The following POLR2F variants were observed in gnomAD, a reference collection of about 807,000 sequenced individuals.
The protein encoded by POLR2F is RNA polymerase II, I and III subunit F.
A neutral mutation model predicts 22.7 loss-of-function variants in POLR2F; 12 were observed. That is an observed-to-expected ratio of 0.53 (90% CI 0.34 to 0.86). The LOEUF (loss-of-function observed/expected upper bound fraction) is 0.86. POLR2F is among the 40% of genes least tolerant of loss of function. POLR2F has a pLI of 0.02. For missense variants in POLR2F, 126 were observed against 171.5 expected, an observed-to-expected ratio of 0.73 and a Z score of 1.48; for synonymous variants, 57 against 66.0, an observed-to-expected ratio of 0.86 and a Z score of 0.66.
At chr22:38,035,506 G>A (rs1458436745) in intron 5 of POLR2F, among the ~76,000 whole-genome samples, 1 of 152,190 alleles carries the variant, frequency 6.6e-6, no homozygotes, top group Non-Finnish European at 1.5e-5. Flanking sequence ...TTTCTTTTCT[G>A]TTCATTTGCA....
At chr22:37,996,940 T>A (rs2084720271) in intron 1 of POLR2F, among the ~76,000 whole-genome samples, 1 of 152,158 alleles carries the variant, frequency 6.6e-6, no homozygotes, top group Non-Finnish European at 1.5e-5. Context: ...TAAGGGCCTC[T>A]CCCCAGCCTT....
chr22:37,993,786 A>G (rs554479963), intron 1 of POLR2F, among the ~76,000 whole-genome samples: 1 of 152,238 alleles, frequency 6.6e-6, no homozygotes, highest in African/African-American at 2.4e-5. Flanking sequence ...TCAGGAGATC[A>G]AGACCATCCT....
downstream of POLR2F, among the ~76,000 whole-genome samples, chr22:38,030,669 C>T (rs554690409): frequency 4.1e-4 from 62 of 152,216 alleles, no homozygotes; most frequent in Non-Finnish European, 7.6e-4. Flanking sequence ...GGGTCTGAGA[C>T]TTAGCTCAGC....
intron 1 of POLR2F, among the ~76,000 whole-genome samples, chr22:38,018,279 A>AT (rs2084931428): frequency 6.6e-6 from 1 of 152,210 alleles, no homozygotes; most frequent in African/African-American, 2.4e-5. Flanking sequence ...GATCAGGGCT[A>AT]TGTAGGATTT....
At chr22:38,019,065 C>G (rs1251669974) in intron 1 of POLR2F, among the ~76,000 whole-genome samples, 3 of 151,606 alleles carry the variant, frequency 2.0e-5, no homozygotes, top group African/African-American at 7.3e-5. Flanking sequence ...GAGGTTGGAC[C>G]AAGAGAGAAG....
At chr22:38,025,769 C>T (rs1049632700) in intron 1 of POLR2F, 3 of 1,549,100 alleles carry the variant, frequency 1.9e-6, no homozygotes, top group South Asian at 2.5e-5. Context: ...AACACAGGAT[C>T]CAGGGCACTC....
intron 1 of POLR2F, among the ~76,000 whole-genome samples, chr22:38,004,494 C>T (rs2084803292): frequency 6.6e-6 from 1 of 152,192 alleles, no homozygotes; most frequent in Admixed American, 6.5e-5. Flanking sequence ...TATCTACTCG[C>T]TGAGTTCTCA....
chr22:37,963,016 T>C (rs558177210), intron 3 of POLR2F, among the ~76,000 whole-genome samples: 88 of 151,436 alleles, frequency 5.8e-4, no homozygotes, highest in Middle Eastern at 3.4e-3. Context: ...AGAAGGAGTC[T>C]CACTCTGTCA....
intron 1 of POLR2F, 146 bp from the exon 2 acceptor site, chr22:37,956,626 AG>A: frequency 1.5e-6 from 1 of 652,094 alleles, no homozygotes. Flanking sequence ...CTTGTTGGCC[AG>A]GCTGGTCTTG....
chr22:37,990,727 G>A (rs1219674179), intron 1 of POLR2F, among the ~76,000 whole-genome samples: 1 of 152,274 alleles, frequency 6.6e-6, no homozygotes, highest in Non-Finnish European at 1.5e-5. Context: ...TGGAGGCCCT[G>A]TGTTGCCTTG....
rs150701824 is a variant in POLR2F, at chr22:38,007,916, C to T, written c.121-17953C>T. ...CCCACTTGCCTTCAGAGCTCTGCCA[C>T]GGCAGGCCCCCTTTAGCTCCTCTGT... On this transcript the variant is annotated intron_variant, in intron 1 of 2. Transcript: ENST00000333418. Among the ~76,000 whole-genome samples the T allele has an allele frequency of 5.6e-4, 85 of 152,322 alleles. 5 individuals are homozygous for T. In the East Asian group the frequency reaches 0.016, roughly 29 times the overall value.
intron 1 of POLR2F, among the ~76,000 whole-genome samples, chr22:38,003,057 T>A (rs1397214918): frequency 6.6e-6 from 1 of 151,824 alleles, no homozygotes; most frequent in Non-Finnish European, 1.5e-5. Flanking sequence ...GGGAGATGTG[T>A]GAGCAAAGGT....
intron 1 of POLR2F, among the ~76,000 whole-genome samples, chr22:38,022,499 C>T (rs1001591104): frequency 1.3e-4 from 18 of 143,844 alleles, no homozygotes; most frequent in East Asian, 1.3e-3. Context: ...TGCAGTGACC[C>T]GAGATTGCGT....
chr22:37,967,542 G>A (rs1931904777), intron 4 of POLR2F, 83 bp from the exon 5 acceptor site: 1 of 1,566,008 alleles, frequency 6.4e-7, no homozygotes, highest in Admixed American at 1.9e-5. Flanking sequence ...CTCTTTGCTT[G>A]TGTTTTGCAC....
downstream of POLR2F, chr22:37,971,409 G>C: frequency 2.4e-6 from 1 of 417,838 alleles, no homozygotes; most frequent in South Asian, 1.8e-5. Flanking sequence ...TTATGAGCTG[G>C]GTATGAGGAA....
At position 37,979,304 on chromosome 22, in the gene POLR2F, G is replaced by A. The variant is rs1239909401; in HGVS notation, c.293+12134G>A. On this transcript the variant is annotated intron_variant, in intron 4 of 4. Coordinates refer to the POLR2F transcript ENST00000405557. The stretch of plus-strand genomic sequence containing the variant: ...GTAGAGACGAGGTTTCACCATATTG[G>A]CCAGGCTGGTCTCCAACTCCTGACC... 1.3e-4 allele frequency among the ~76,000 whole-genome samples: 20 copies of A among 148,286 alleles called. No individual in the cohort carries two copies. The East Asian group carries it at 1.4e-3, about 11-fold the overall frequency.
chr22:37,969,409 G>A, downstream of POLR2F: 3 of 762,148 alleles, frequency 3.9e-6, no homozygotes, highest in Middle Eastern at 6.4e-4. Context: ...CTGCCTTCCT[G>A]AGGCCTGTGC....
chr22:38,031,937 C>T lies in POLR2F; in HGVS notation c.453-9131C>T, dbSNP rs1184473533. On this transcript the variant is annotated intron_variant, in intron 5 of 5. Transcript: ENST00000407936. The surrounding 1 kb of genome is among the most constrained non-coding windows in gnomAD (Gnocchi z 4.1). ...GTAGTCCCCTCCCCAGCATTCTAGT[C>T]CCCTCTGTCTTGGCCTCTGTTTTGG... is the stretch of plus-strand genomic sequence containing the variant. Among the ~76,000 whole-genome samples, 1 of 152,154 alleles carries T rather than the reference C, an allele frequency of 6.6e-6. No homozygotes were observed. Among genetic ancestry groups the T allele is most frequent in the Non-Finnish European group, 1.5e-5 (1 of 68,026 alleles).
intron 1 of POLR2F, chr22:38,025,640 G>A (rs1234739403): frequency 6.4e-7 from 1 of 1,564,196 alleles, no homozygotes; most frequent in East Asian, 2.2e-5. Context: ...CCACAGCCTA[G>A]GCTCTTTCAG....
Sources: gnomAD v4.1 joint callset for allele counts (sites outside exome capture counted in the v4.1 genomes callset) on GRCh38, gnomAD v4.1.1 for gene constraint, Gnocchi (gnomAD v3.1) non-coding constraint, MANE v1.5 for transcripts, NCBI Gene and HGNC (gene_info 2026-07-23, HGNC 2026-07-21) for gene names.